Variants in SLC9A3 observed in about 807,000 individuals in gnomAD.
SLC9A3 encodes the protein solute carrier family 9 member A3.
SLC9A3 carries 37 observed loss-of-function variants against 86.8 expected under a neutral mutation model. The observed-to-expected ratio is 0.43, with a 90% CI of 0.33 to 0.56. SLC9A3 has a LOEUF of 0.56. Ranked by LOEUF, SLC9A3 falls within the 20% of genes least tolerant of loss-of-function variation. The pLI, the probability that SLC9A3 is intolerant of heterozygous loss-of-function variation, is 0.06. For missense variants in SLC9A3, 1,011 were observed against 1,171.9 expected (o/e 0.86, Z 2.00); for synonymous variants, 581 against 528.3 (o/e 1.10, Z -1.37).
At position 482,166 on chromosome 5, in the gene SLC9A3, CAG is replaced by C. The variant is rs1383900683; in HGVS notation, c.1357-11_1357-10del. 3 of 1,605,546 alleles carry C rather than the reference CAG, an allele frequency of 1.9e-6. No homozygotes were observed. The highest frequency in any genetic ancestry group is 1.1e-5 in the South Asian group (1 of 90,662). ...GGCTTGATGGTCAGGCCCTGGAGGA[CAG>C]GGTCTCGTGACCCTGGTGCCAGGCA... On this transcript the variant is annotated splice_polypyrimidine_tract_variant and intron_variant, in intron 7 of 16. Coordinates refer to ENST00000264938, the MANE Select transcript of SLC9A3 (RefSeq NM_004174.4).
chr5:481,700 C>T (rs1018972694), intron 8 of SLC9A3, 65 bp from the exon 9 acceptor site: 13 of 1,353,464 alleles, frequency 9.6e-6, no homozygotes, highest in African/African-American at 1.4e-5. Context: ...GGTGCCCCTC[C>T]ACTCCTGGCC....
intron 1 of SLC9A3, among the ~76,000 whole-genome samples, chr5:522,075 G>A (rs1733898409): frequency 6.7e-6 from 1 of 150,286 alleles, no homozygotes; most frequent in Non-Finnish European, 1.5e-5. Context: ...CTGCGCCTGT[G>A]GGATACCGCG....
intron 1 of SLC9A3, among the ~76,000 whole-genome samples, chr5:504,707 CTG>C (rs1282887038): frequency 6.6e-6 from 1 of 152,228 alleles, no homozygotes; most frequent in East Asian, 1.9e-4. Context: ...CCCCTCAGCG[CTG>C]TGAGGCCACT....
At chr5:493,392 CG>C (rs1406649119) in intron 1 of SLC9A3, among the ~76,000 whole-genome samples, 1 of 152,242 alleles carries the variant, frequency 6.6e-6, no homozygotes, top group Admixed American at 6.5e-5. Flanking sequence ...GCTGGAGGGG[CG>C]GTGGAGGCAG....
chr5:496,790 A>G lies in SLC9A3; in HGVS notation c.212-4719T>C, dbSNP rs1484921228. 6.6e-6 allele frequency among the ~76,000 whole-genome samples: 1 copy of G among 152,158 alleles called. No homozygotes were observed. Among genetic ancestry groups the G allele is most frequent in the Non-Finnish European group, 1.5e-5 (1 of 68,028 alleles). ...GCTGGACTTAGTGGTTCACACCTGT[A>G]ATCCCAATACAACAGTTTGGGAGGC... On this transcript the variant is annotated intron_variant, in intron 1 of 16. Coordinates refer to ENST00000264938, the MANE Select transcript of SLC9A3 (RefSeq NM_004174.4). The surrounding 1 kb of genome is among the most constrained non-coding windows in gnomAD (Gnocchi z 4.7).
intron 3 of SLC9A3, 60 bp from the exon 4 acceptor site, chr5:485,291 G>A: frequency 2.8e-6 from 4 of 1,405,850 alleles, no homozygotes; most frequent in Non-Finnish European, 3.0e-6. Context: ...CCCTCTCCGG[G>A]GCCCGGGCCT....
chr5:520,699 C>T (rs1048042445), intron 1 of SLC9A3, among the ~76,000 whole-genome samples: 1 of 152,116 alleles, frequency 6.6e-6, no homozygotes, highest in African/African-American at 2.4e-5. Context: ...CTCTGCCTCC[C>T]CAGGGACCCA....
intron 15 of SLC9A3, chr5:475,359 C>T: frequency 1.6e-6 from 1 of 617,062 alleles, no homozygotes; most frequent in Non-Finnish European, 2.8e-6. Context: ...CCACCTGCTC[C>T]CTGCCCGGCC....
At chr5:475,743 C>T (rs1359408034) in intron 14 of SLC9A3, 72 bp from the exon 15 acceptor site, 20 of 883,694 alleles carry the variant, frequency 2.3e-5, no homozygotes, top group Non-Finnish European at 3.5e-5. Flanking sequence ...CAGCAGTGTC[C>T]ATCAGCTCTG....
intron 16 of SLC9A3, among the ~76,000 whole-genome samples, chr5:473,587 C>T (rs1328714278): frequency 1.3e-5 from 2 of 152,140 alleles, no homozygotes; most frequent in East Asian, 3.9e-4. Context: ...AAGCCCCAGC[C>T]CGGCCCCGCC....
intron 1 of SLC9A3, among the ~76,000 whole-genome samples, chr5:492,499 G>A (rs1739826680): frequency 6.6e-6 from 1 of 151,982 alleles, no homozygotes; most frequent in African/African-American, 2.4e-5. Context: ...ACAGGGCTCA[G>A]AGCTGCAGGC....
chr5:500,032 G>C (rs1740190246), intron 1 of SLC9A3, among the ~76,000 whole-genome samples: 1 of 152,264 alleles, frequency 6.6e-6, no homozygotes, highest in African/African-American at 2.4e-5. Context: ...AGGGTGGCTG[G>C]GACGCAACAG....
intron 10 of SLC9A3, 44 bp from the exon 11 acceptor site, chr5:477,488 C>A: frequency 2.1e-6 from 3 of 1,411,996 alleles, no homozygotes; most frequent in Non-Finnish European, 3.0e-6. Context: ...AGCAGCCAAG[C>A]CCTAGCTGCT....
At position 497,025 on chromosome 5, in the gene SLC9A3, A is replaced by T. The variant is rs1740047506; in HGVS notation, c.212-4954T>A. ...AGCCAAGATCACACCACTACATTCC[A>T]GCCTGGGCGACGGAGGCCTTGTCTC... On this transcript the variant is annotated intron_variant, in intron 1 of 16. Coordinates refer to ENST00000264938, the MANE Select transcript of SLC9A3 (RefSeq NM_004174.4). This position sits in a 1 kb window ranked among gnomAD's most constrained non-coding sequence, Gnocchi z 5.4. Among the ~76,000 whole-genome samples the T allele has an allele frequency of 1.3e-5, 2 of 152,204 alleles. No individual in the cohort carries two copies. Among genetic ancestry groups the T allele is most frequent in the South Asian group, 4.1e-4 (2 of 4,832 alleles).
intron 15 of SLC9A3, 36 bp from the exon 16 acceptor site, chr5:475,168 G>A (rs1259487271): frequency 6.5e-7 from 1 of 1,535,082 alleles, no homozygotes; most frequent in Non-Finnish European, 8.7e-7. Flanking sequence ...AGCCTTCGGA[G>A]AGCCCCACGG....
intron 5 of SLC9A3, among the ~76,000 whole-genome samples, chr5:483,711 C>A (rs1739330646): frequency 6.6e-6 from 1 of 152,270 alleles, no homozygotes; most frequent in Non-Finnish European, 1.5e-5. Flanking sequence ...CCGGGGCTGC[C>A]TGCCAGCAGG....
chr5:475,512 G>A lies in SLC9A3; in HGVS notation c.2251+49C>T, dbSNP rs552344972. 3.3e-5 allele frequency: 39 copies of A among 1,165,020 alleles called. No homozygotes were observed. The South Asian group carries it at 4.1e-4, about 12-fold the overall frequency. 72.2% of individuals were successfully genotyped at this position (1,165,020 alleles called of 1,614,324 possible). ...CAATGACCGAGCTCCCTCCTGGGGCGGCAGGAGCCACCCCTCCCTTAGCCA... is the reference window on the plus strand; with the variant it reads ...CAATGACCGAGCTCCCTCCTGGGGCAGCAGGAGCCACCCCTCCCTTAGCCA... On this transcript the variant is annotated intron_variant, in intron 15 of 16. Transcript: ENST00000264938.
intron 1 of SLC9A3, among the ~76,000 whole-genome samples, chr5:509,485 G>A (rs1458570312): frequency 1.4e-5 from 2 of 140,498 alleles, no homozygotes; most frequent in Admixed American, 1.4e-4. Flanking sequence ...GAGGGAGGGA[G>A]GGAGGGAAAG....
chr5:488,880 A>G (rs1372253306), intron 2 of SLC9A3, among the ~76,000 whole-genome samples: 3 of 147,694 alleles, frequency 2.0e-5, no homozygotes, highest in African/African-American at 5.3e-5. Flanking sequence ...CACAGCACCC[A>G]GGGGCGCGGC....
Sources: allele counts gnomAD v4.1 joint callset (sites outside exome capture counted in the v4.1 genomes callset), GRCh38; gene constraint gnomAD v4.1.1; non-coding constraint Gnocchi (gnomAD v3.1); transcripts MANE v1.5; gene names NCBI Gene and HGNC (gene_info 2026-07-23, HGNC 2026-07-21).